The following TNXB variants were observed in gnomAD, a reference collection of about 807,000 sequenced individuals.
TNXB encodes tenascin-X.
In TNXB, 183 loss-of-function variants were observed where a neutral mutation model predicts 340.5. That is an observed-to-expected ratio of 0.54 (90% CI 0.48 to 0.61). The LOEUF (loss-of-function observed/expected upper bound fraction) is 0.61. Among genes scored for constraint, TNXB ranks in the 20% least tolerant of loss-of-function variants. The pLI is 0.00. For missense variants in TNXB, 4,613 were observed against 5,446.4 expected (o/e 0.85, Z 4.82); for synonymous variants, 2,121 against 2,314.5 (o/e 0.92, Z 2.40).
chr6:32,070,301 C>T lies in TNXB; in HGVS notation c.5104G>A (p.Asp1702Asn), dbSNP rs780874838. Residue 1702 changes from aspartate to asparagine, a missense_variant, in exon 14 of 44, where the codon GAC (aspartate) becomes AAC (asparagine). Transcript: ENST00000644971. The surrounding 1 kb of genome is among the most constrained non-coding windows in gnomAD (Gnocchi z 6.0). Reference protein sequence around the residue: ...LSWTVPEGQFDSFVVQFKDKD... With the variant: ...LSWTVPEGQFNSFVVQFKDKD... ...TCCTTGAACTGGACCACAAAAGAGT[C>T]GAACTGGCCCTCAGGAACCGTCCAG... The T allele has an allele frequency of 1.7e-5, 27 of 1,612,852 alleles. No individual in the cohort carries two copies. The highest frequency in any genetic ancestry group is 8.0e-5 in the African/African-American group (6 of 74,886).
At chr6:32,048,769 G>T in intron 28 of TNXB, 119 bp from the exon 29 acceptor site, 1 of 1,056,036 alleles carries the variant, frequency 9.5e-7, no homozygotes, top group East Asian at 2.9e-5. Flanking sequence ...GCTTGTTTTA[G>T]AATCTGTGCC....
intron 22 of TNXB, 136 bp from the exon 23 acceptor site, chr6:32,057,039 A>G: frequency 1.7e-6 from 2 of 1,163,562 alleles, no homozygotes; most frequent in Non-Finnish European, 2.4e-6. Flanking sequence ...ACAGCTCTTC[A>G]TCCTCTCCTC....
chr6:32,106,932 A>G (rs1388383352), intron 1 of TNXB, among the ~76,000 whole-genome samples: 1 of 152,266 alleles, frequency 6.6e-6, no homozygotes, highest in East Asian at 1.9e-4. Flanking sequence ...GCACAGACAC[A>G]CAAATCCACC....
At chr6:32,078,197 AG>A (rs1221307168) in intron 11 of TNXB, among the ~76,000 whole-genome samples, 1 of 152,138 alleles carries the variant, frequency 6.6e-6, no homozygotes, top group Non-Finnish European at 1.5e-5. Flanking sequence ...CTGTAATACC[AG>A]AACTTTGGGA....
chr6:32,042,520 T>C lies in TNXB; in HGVS notation c.12145A>G (p.Asn4049Asp). The change falls in exon 40 of 44, where the codon AAC (asparagine) becomes GAC (aspartate). Residue 4049 changes from asparagine to aspartate, a missense_variant. Physicochemically the swap from Asn to Asp is conservative, Grantham distance 23 (BLOSUM62 1). Coordinates refer to ENST00000644971, the MANE Select transcript of TNXB (RefSeq NM_001365276.2). ...TTCAGGGGCCGCTCGCGGTTGCCGT[T>C]GAGGAAGATGGTGCTGGTCCTGGAG... ...GASRTSTIFL[N>D]GNRERPLNVF... 1 of 1,612,366 alleles carries C rather than the reference T, an allele frequency of 6.2e-7. No individual in the cohort carries two copies. The highest frequency in any genetic ancestry group is 1.1e-5 in the South Asian group (1 of 91,036).
At chr6:32,066,222 T>C (rs1778327206) in intron 18 of TNXB, among the ~76,000 whole-genome samples, 1 of 152,114 alleles carries the variant, frequency 6.6e-6, no homozygotes, top group South Asian at 2.1e-4. Flanking sequence ...TGAGACCCCA[T>C]CTCTACAAAA....
chr6:32,072,178 T>G lies in TNXB; in HGVS notation c.4802A>C (p.Glu1601Ala). 5 of 1,613,482 alleles carry G rather than the reference T, an allele frequency of 3.1e-6. No homozygotes were observed. Among genetic ancestry groups the G allele is most frequent in the Non-Finnish European group, 3.4e-6 (4 of 1,179,678 alleles). ...DSVGLSWTVPEGEFDSFVVQY... is the reference protein window; with the variant it reads ...DSVGLSWTVPAGEFDSFVVQY... ...AACCACAAAGGAGTCGAATTCACCC[T>G]CAGGGACTGTCCATGAGAGGCCCAC... The change falls in exon 13 of 44, where the codon GAG (glutamate) becomes GCG (alanine). Residue 1601 changes from glutamate (E) to alanine (A), a missense_variant. By Grantham distance (107) the Glu-to-Ala change is moderately radical. This residue lies in a region of TNXB where 4,327 missense variants were observed against 4,859.4 expected (regional missense o/e 0.89). Coordinates refer to ENST00000644971, the MANE Select transcript of TNXB (RefSeq NM_001365276.2). This position sits in a 1 kb window ranked among gnomAD's most constrained non-coding sequence, Gnocchi z 4.4.
At position 32,097,602 on chromosome 6, in the gene TNXB, CCT is replaced by C; in HGVS notation, c.404-155_404-154del. On this transcript the variant is annotated intron_variant, in intron 2 of 43. Transcript: ENST00000644971. The surrounding 1 kb of genome is among the most constrained non-coding windows in gnomAD (Gnocchi z 5.9). ...TTGCTAGTATGTGTAATGTATGCAG[CCT>C]CTCAGGGCCCTCGCATATGCTTTGG... 1 of 1,109,086 alleles carries C rather than the reference CCT, an allele frequency of 9.0e-7. No homozygotes were observed. The highest frequency in any genetic ancestry group is 1.7e-5 in the South Asian group (1 of 60,186). The allele number at this position is 1,109,086 out of a possible 1,614,324, so 68.7% of individuals were successfully genotyped here.
rs1391864961 is a variant in TNXB at position 32,072,317 on chromosome 6, A to G, written c.4682-19T>C. On this transcript the variant is annotated intron_variant, in intron 12 of 43. Coordinates refer to ENST00000644971, the MANE Select transcript of TNXB (RefSeq NM_001365276.2). This position sits in a 1 kb window ranked among gnomAD's most constrained non-coding sequence, Gnocchi z 4.4. ...AGGGGAGCTGGGATTTGGGAAGACA[A>G]AGAACATGGTTGAGATCTCTGAGGG... 1.3e-6 allele frequency: 2 copies of G among 1,584,050 alleles called. No homozygotes were observed. Among genetic ancestry groups the G allele is most frequent in the South Asian group, 2.3e-5 (2 of 87,402 alleles).
At chr6:32,071,647 G>A (rs1222879919) in intron 13 of TNXB, among the ~76,000 whole-genome samples, 6 of 151,122 alleles carry the variant, frequency 4.0e-5, no homozygotes, top group African/African-American at 1.5e-4. Context: ...GTGCAGTGGC[G>A]CAATCTCAGC....
At position 32,096,746 on chromosome 6, in the gene TNXB, G is replaced by C; in HGVS notation, c.1107C>G (p.Ser369Arg). ...CWPGYTGEDC[S>R]TRTCPRDCRG... ...GGCAGTCCCTCGGACATGTCCGCGTGCTGCAGTCCTCGCCTGTGTACCCGG... is the reference window on the plus strand; with the variant it reads ...GGCAGTCCCTCGGACATGTCCGCGTCCTGCAGTCCTCGCCTGTGTACCCGG... Residue 369 changes from serine (S) to arginine (R), a missense_variant, in exon 3 of 44, where the codon AGC (serine) becomes AGG (arginine). This residue lies in a region of TNXB where 4,327 missense variants were observed against 4,859.4 expected (regional missense o/e 0.89). Coordinates refer to ENST00000644971, the MANE Select transcript of TNXB (RefSeq NM_001365276.2). 6.4e-7 allele frequency: 1 copy of C among 1,553,276 alleles called. No homozygotes were observed. Among genetic ancestry groups the C allele is most frequent in the Non-Finnish European group, 8.7e-7 (1 of 1,150,684 alleles).
Position 32,051,943 on chromosome 6 carries a change from G to A in TNXB, c.9115+727C>T, listed in dbSNP as rs937257430. 2.0e-5 allele frequency among the ~76,000 whole-genome samples: 3 copies of A among 152,174 alleles called. No individual in the cohort carries two copies. Among genetic ancestry groups the A allele is most frequent in the Non-Finnish European group, 2.9e-5 (2 of 68,046 alleles). On this transcript the variant is annotated intron_variant, in intron 26 of 43. Transcript: ENST00000644971. This position sits in a 1 kb window ranked among gnomAD's most constrained non-coding sequence, Gnocchi z 4.7. Reference sequence around the variant, plus strand: ...TGGGGCAAGGGGAGAATGGGAGTTCGTGTCTAGTGGGTAGGAAGTTTCAGT... The same window carrying A: ...TGGGGCAAGGGGAGAATGGGAGTTCATGTCTAGTGGGTAGGAAGTTTCAGT...
Position 32,070,513 on chromosome 6 carries a change from G to T in TNXB, c.4991-99C>A. The T allele has an allele frequency of 7.8e-7, 1 of 1,282,562 alleles. No individual in the cohort carries two copies. Among genetic ancestry groups the T allele is most frequent in the Non-Finnish European group, 1.1e-6 (1 of 951,970 alleles). 79.4% of individuals were successfully genotyped at this position (1,282,562 alleles called of 1,614,324 possible). ...ACCCAGAACTGCCCAAATGCTCAGTGCTTCCCCAAAATATTTCCATCACCT... is the reference window on the plus strand; with the variant it reads ...ACCCAGAACTGCCCAAATGCTCAGTTCTTCCCCAAAATATTTCCATCACCT... On this transcript the variant is annotated intron_variant, in intron 13 of 43. Transcript: ENST00000644971. The surrounding 1 kb of genome is among the most constrained non-coding windows in gnomAD (Gnocchi z 6.0).
At position 32,084,469 on chromosome 6, in the gene TNXB, A is replaced by G. The variant is rs1328204527; in HGVS notation, c.3389T>C (p.Leu1130Pro). The change falls in exon 8 of 44, where the codon CTG becomes CCG. Residue 1130 changes from leucine (L) to proline (P), a missense_variant. Coordinates refer to ENST00000644971, the MANE Select transcript of TNXB (RefSeq NM_001365276.2). The surrounding 1 kb of genome is among the most constrained non-coding windows in gnomAD (Gnocchi z 5.5). ...LDPGRKYKFV[L>P]YGFVGKKRHG... ...CCTCTTCTTGCCAACAAACCCATAC[A>G]GGACAAATTTGTACTTGCGGCCAGG... 1.2e-6 allele frequency: 2 copies of G among 1,606,366 alleles called. No homozygotes were observed. The highest frequency in any genetic ancestry group is 8.5e-7 in the Non-Finnish European group (1 of 1,177,054).
rs1166725722 is a variant in TNXB, at chr6:32,084,200, A to T, written c.3445+213T>A. On this transcript the variant is annotated intron_variant, in intron 8 of 43. Coordinates refer to ENST00000644971, the MANE Select transcript of TNXB (RefSeq NM_001365276.2). The surrounding 1 kb of genome is among the most constrained non-coding windows in gnomAD (Gnocchi z 5.5). ...TGTAACAGTGATTCTCTTACTGGCC[A>T]TGCTCTCCCCACCTTACTCACCGTG... 6.6e-6 allele frequency among the ~76,000 whole-genome samples: 1 copy of T among 152,084 alleles called. No individual in the cohort carries two copies. Among genetic ancestry groups the T allele is most frequent in the Non-Finnish European group, 1.5e-5 (1 of 68,004 alleles).
intron 1 of TNXB, among the ~76,000 whole-genome samples, chr6:32,101,077 C>CAAAAAAAAA (rs35800696): frequency 1.9e-4 from 9 of 46,952 alleles, no homozygotes; most frequent in Admixed American, 6.1e-4. Flanking sequence ...AACTCCATCT[C>CAAAAAAAAA]AAAAAAAAAA....
chr6:32,054,059 G>A (rs1452587407), intron 24 of TNXB, among the ~76,000 whole-genome samples: 2 of 151,956 alleles, frequency 1.3e-5, no homozygotes, highest in African/African-American at 4.8e-5. Context: ...TCTTTGCTCC[G>A]CAACAAGCTC....
intron 1 of TNXB, among the ~76,000 whole-genome samples, chr6:32,107,912 G>A (rs1369423200): frequency 6.6e-6 from 1 of 152,250 alleles, no homozygotes; most frequent in African/African-American, 2.4e-5. Context: ...TATTGGGCTG[G>A]AACCAGGTAG....
At position 32,099,946 on chromosome 6, in the gene TNXB, T is replaced by TAAAA. The variant is rs34833929; in HGVS notation, c.-8-1744_-8-1741dup. 4.1e-3 allele frequency among the ~76,000 whole-genome samples: 256 copies of TAAAA among 62,032 alleles called. 1 individual carries two copies. Among genetic ancestry groups the TAAAA allele is most frequent in the East Asian group, 5.4e-3 (10 of 1,846 alleles). The allele number at this position is 62,032 out of a possible 152,430, so 40.7% of individuals were successfully genotyped here. ...GCTGGGTCAATCCAACATCCCTAAG[T>TAAAA]AAAAAAAAAAAAAAAAAAAAAAAAC... On this transcript the variant is annotated intron_variant, in intron 1 of 43. Coordinates refer to ENST00000644971, the MANE Select transcript of TNXB (RefSeq NM_001365276.2).
Sources: allele counts gnomAD v4.1 joint callset (sites outside exome capture counted in the v4.1 genomes callset), GRCh38; gene constraint gnomAD v4.1.1; regional missense constraint gnomAD v4.1.1; non-coding constraint Gnocchi (gnomAD v3.1); transcripts MANE v1.5; gene names NCBI Gene and HGNC (gene_info 2026-07-23, HGNC 2026-07-21).